Variants in TTN observed in about 807,000 individuals in gnomAD.
TTN encodes the protein connectin.
TTN carries 1,525 observed loss-of-function variants against 3,223.0 expected under a neutral mutation model. The ratio of observed to expected loss-of-function variants is 0.47; its 90% CI spans 0.45 to 0.49. TTN has a LOEUF of 0.49. Among genes scored for constraint, TTN ranks in the 20% least tolerant of loss-of-function variants. The pLI, the probability that TTN is intolerant of heterozygous loss-of-function variation, is 0.00. For synonymous variants in TTN, 14,094 were observed against 15,161.0 expected (o/e 0.93, Z 5.17); for missense variants, 40,786 against 43,424.0 (o/e 0.94, Z 5.40).
intron 43 of TTN, among the ~76,000 whole-genome samples, chr2:178,760,410 AT>A (rs1376141468): frequency 1.3e-5 from 2 of 152,094 alleles, no homozygotes; most frequent in African/African-American, 4.8e-5. Context: ...CACACCTATA[AT>A]CCCAGCTATT....
chr2:178,583,687 A>G lies in TTN; in HGVS notation c.65495T>C (p.Phe21832Ser). The G allele has an allele frequency of 6.2e-7, 1 of 1,612,352 alleles. No homozygotes were observed. The highest frequency in any genetic ancestry group is 8.5e-7 in the Non-Finnish European group (1 of 1,179,182). ...TACCGCGGTCCTGGCAATAGCTCTA[A>G]ATTGATACTGAGCTTTCTCTTCTAG... ...TGLEEKAQYQ[F>S]RAIARTAVNI... Residue 21832 changes from phenylalanine (F) to serine (S), a missense_variant, in exon 312 of 363, where the codon TTT (phenylalanine) becomes TCT (serine). By Grantham distance (155) the Phe-to-Ser change is radical (BLOSUM62 -2). Coordinates refer to ENST00000589042, the MANE Select transcript of TTN (RefSeq NM_001267550.2).
At position 178,566,113 on chromosome 2, in the gene TTN, A is replaced by C. The variant is rs1347649738; in HGVS notation, c.80019T>G (p.Ser26673=). 1.2e-6 allele frequency: 2 copies of C among 1,613,538 alleles called. No individual in the cohort carries two copies. Among genetic ancestry groups the C allele is most frequent in the African/African-American group, 1.3e-5 (1 of 74,898 alleles). ...CAAGAACTTTCACAGTTACAAAAGC[A>C]GACTTTGATCCACTGCTGTTTTCCA... ...LKLENSSGSK[S]AFVTVKVLDT... is the part of the protein sequence containing the mutation. Residue 26673 remains serine (S), a synonymous_variant, in exon 326 of 363, where the codon TCT becomes TCG. Coordinates refer to ENST00000589042, the MANE Select transcript of TTN (RefSeq NM_001267550.2).
chr2:178,702,657 G>T lies in TTN; in HGVS notation c.30230C>A (p.Pro10077Gln). The T allele has an allele frequency of 6.2e-7, 1 of 1,612,054 alleles. No homozygotes were observed. Among genetic ancestry groups the T allele is most frequent in the South Asian group, 1.1e-5 (1 of 90,932 alleles). ...TSAELRIEAE[P>Q]IQFTKRIQNI... ...CTGTATGCGCTTTGTAAACTGAATT[G>T]GTTCAGCTGTTTAAGTACAAAGAGG... is the stretch of plus-strand genomic sequence containing the variant. The change falls in exon 107 of 363, where the codon CCA becomes CAA. Residue 10077 changes from proline to glutamine, a missense_variant. By Grantham distance (76) the Pro-to-Gln change is moderately conservative. Transcript: ENST00000589042.
rs1038822352 is a variant in TTN at position 178,732,550 on chromosome 2, T to A, written c.16511A>T (p.Glu5504Val). 8 of 1,613,548 alleles carry A rather than the reference T, an allele frequency of 5.0e-6. No homozygotes were observed. In the African/African-American group the frequency reaches 9.3e-5, roughly 19 times the overall value. ...GSCYITKEAL[E>V]SSLELYLVKT... ...TACTAAATAGAGTTCCAGGGAACTC[T>A]CTAAAGCTTCTTTGGTAATATAGCA... Residue 5504 changes from glutamate to valine, a missense_variant, in exon 56 of 363, where the codon GAG (glutamate) becomes GTG (valine). Glu to Val is a moderately radical substitution (Grantham distance 121). Coordinates refer to ENST00000589042, the MANE Select transcript of TTN (RefSeq NM_001267550.2).
chr2:178,805,912 A>G lies in TTN; in HGVS notation c.-13-1257T>C, dbSNP rs540472155. Among the ~76,000 whole-genome samples, 337 of 152,352 alleles carry G rather than the reference A, an allele frequency of 2.2e-3. 2 individuals are homozygous for G. Among genetic ancestry groups the G allele is most frequent in the African/African-American group, 7.7e-3 (319 of 41,592 alleles). On this transcript the variant is annotated intron_variant, in intron 1 of 362. Coordinates refer to ENST00000589042, the MANE Select transcript of TTN (RefSeq NM_001267550.2). ...TTAAGTGCAAGAAAGTACTTTGCCT[A>G]TCAGTTTCAGAGACATTATGTGAAG...
rs746080953 is a variant in TTN at position 178,570,058 on chromosome 2, C to T, written c.76074G>A (p.Leu25358=). ...GIRWTRCHKR[L]IGELRLRVTG... is the part of the protein sequence containing the mutation. Reference sequence around the variant, plus strand: ...TTACTCTCAGGCGCAACTCTCCAATCAGACGCTTATGGCATCTTGTCCATC... The same window carrying T: ...TTACTCTCAGGCGCAACTCTCCAATTAGACGCTTATGGCATCTTGTCCATC... Residue 25358 remains leucine (L), a synonymous_variant, in exon 326 of 363, where the codon CTG becomes CTA. Coordinates refer to ENST00000589042, the MANE Select transcript of TTN (RefSeq NM_001267550.2). The T allele has an allele frequency of 3.1e-6, 5 of 1,613,394 alleles. No individual in the cohort carries two copies. The highest frequency in any genetic ancestry group is 4.2e-6 in the Non-Finnish European group (5 of 1,179,576).
Position 178,771,224 on chromosome 2 carries a change from T to A in TTN, c.8103A>T (p.Lys2701Asn), listed in dbSNP as rs750526009. The change falls in exon 34 of 363, where the codon AAA becomes AAT. Residue 2701 changes from lysine (K) to asparagine (N), a missense_variant. Lys to Asn is a moderately conservative substitution (Grantham distance 94). Transcript: ENST00000589042. ...YKVATSKTSA[K>N]LKVEAVKIKK... Reference sequence around the variant, plus strand: ...TATGTTACTTGCCTTCAACTTTGAGTTTGGCAGATGTTTTGGAGGTGGCCA... The same window carrying A: ...TATGTTACTTGCCTTCAACTTTGAGATTGGCAGATGTTTTGGAGGTGGCCA... The A allele has an allele frequency of 6.2e-7, 1 of 1,614,008 alleles. No individual in the cohort carries two copies. The highest frequency in any genetic ancestry group is 1.7e-5 in the Admixed American group (1 of 60,000).
intron 15 of TTN, among the ~76,000 whole-genome samples, chr2:178,784,767 A>C (rs1307184096): frequency 6.6e-6 from 1 of 152,212 alleles, no homozygotes; most frequent in Admixed American, 6.5e-5. Flanking sequence ...GCAATAGTAC[A>C]TTTGGGTTTT....
chr2:178,675,199 G>C (rs2067789470), intron 149 of TTN, 86 bp from the exon 150 acceptor site: 1 of 809,990 alleles, frequency 1.2e-6, no homozygotes, highest in Non-Finnish European at 1.9e-6. Flanking sequence ...CAACATAAGA[G>C]AGTAAATATC....
chr2:178,679,486 TG>T lies in TTN; in HGVS notation c.33665-71del, dbSNP rs1169160409. ...ACACATCCATATAAAACACAGCTAA[TG>T]TTTTTTAACAACGGACAGTGACACA... is the stretch of plus-strand genomic sequence containing the variant. On this transcript the variant is annotated intron_variant, in intron 141 of 362. Coordinates refer to ENST00000589042, the MANE Select transcript of TTN (RefSeq NM_001267550.2). 45 of 1,591,930 alleles carry T rather than the reference TG, an allele frequency of 2.8e-5. 2 individuals carry two copies. The South Asian group carries it at 4.3e-4, about 15-fold the overall frequency.
Position 178,734,575 on chromosome 2 carries a change from A to G in TTN, c.15249T>C (p.Pro5083=). ...CATTTGTTCCTCTCACTATGTCTGC[A>G]GGCTCAAGAGTTTTGATGAAAGAAG... ...EPPSFIKTLE[P]ADIVRGTNAL... is the part of the protein sequence containing the mutation. Residue 5083 remains proline (P), a synonymous_variant, in exon 52 of 363, where the codon CCT becomes CCC. Coordinates refer to ENST00000589042, the MANE Select transcript of TTN (RefSeq NM_001267550.2). 1.3e-6 allele frequency: 2 copies of G among 1,582,010 alleles called. No homozygotes were observed. Among genetic ancestry groups the G allele is most frequent in the Non-Finnish European group, 1.7e-6 (2 of 1,163,636 alleles).
chr2:178,773,793 T>C (rs1438984306), intron 31 of TTN, 45 bp downstream of exon 31: 1 of 1,614,054 alleles, frequency 6.2e-7, no homozygotes, highest in South Asian at 1.1e-5. Context: ...AAGTTCTTTA[T>C]GTTGCTTAAT....
At chr2:178,684,222 C>T in intron 132 of TTN, 108 bp downstream of exon 132, 1 of 1,354,768 alleles carries the variant, frequency 7.4e-7, no homozygotes. Context: ...ACAACAACAA[C>T]AACATCAACA....
chr2:178,622,547 T>A lies in TTN; in HGVS notation c.44913+123A>T, dbSNP rs190570739. On this transcript the variant is annotated intron_variant, in intron 243 of 362. Coordinates refer to ENST00000589042, the MANE Select transcript of TTN (RefSeq NM_001267550.2). Reference sequence around the variant, plus strand: ...AAGAATACATTTTATACTACAATTATCTTTAAAAGTAAAGTGGTGACCAGA... The same window carrying A: ...AAGAATACATTTTATACTACAATTAACTTTAAAAGTAAAGTGGTGACCAGA... 5 of 702,118 alleles carry A rather than the reference T, an allele frequency of 7.1e-6. 1 individual carries two copies. The highest frequency in any genetic ancestry group is 1.2e-5 in the Non-Finnish European group (5 of 415,122). The allele number at this position is 702,118 out of a possible 1,614,324, so 43.5% of individuals were successfully genotyped here.
chr2:178,637,415 G>A lies in TTN; in HGVS notation c.40881C>T (p.Ala13627=). ...TGGCAGCCTCTTCCTTAGGTGCTTTGGCTTCTGAAATAAAAATAAAACTCA... is the reference window on the plus strand; with the variant it reads ...TGGCAGCCTCTTCCTTAGGTGCTTTAGCTTCTGAAATAAAAATAAAACTCA... ...TVPVVGKKAE[A]KAPKEEAAKP... Residue 13627 remains alanine (A), a synonymous_variant, in exon 224 of 363, where the codon GCC becomes GCT. Coordinates refer to ENST00000589042, the MANE Select transcript of TTN (RefSeq NM_001267550.2). 6.8e-7 allele frequency: 1 copy of A among 1,476,452 alleles called. No individual in the cohort carries two copies. The highest frequency in any genetic ancestry group is 1.5e-5 in the South Asian group (1 of 65,654). The allele number at this position is 1,476,452 out of a possible 1,614,324, so 91.5% of individuals were successfully genotyped here. A position where few individuals can be genotyped will look rare whatever the true frequency, so the allele number is the denominator to read the frequency against.
intron 141 of TTN, 57 bp downstream of exon 141, chr2:178,679,542 T>G: frequency 6.3e-7 from 1 of 1,587,138 alleles, no homozygotes; most frequent in Non-Finnish European, 8.6e-7. Context: ...AGAAGAAAGT[T>G]AACTATTTCT....
At position 178,591,719 on chromosome 2, in the gene TTN, C is replaced by CTAAG; in HGVS notation, c.60096_60099dup (p.Glu20034LeufsTer15). ...TGTTGTAGTCCAGTAACCACACACT[C>CTAAG]TAAGTTTGTCACAGTCTTAAATTTA... On this transcript the variant is annotated frameshift_variant, in exon 303 of 363. Transcript: ENST00000589042. LOFTEE classifies it high-confidence loss of function. 1 of 1,613,356 alleles carries CTAAG rather than the reference C, an allele frequency of 6.2e-7. No individual in the cohort carries two copies. Among genetic ancestry groups the CTAAG allele is most frequent in the Non-Finnish European group, 8.5e-7 (1 of 1,179,530 alleles).
intron 8 of TTN, 112 bp downstream of exon 8, chr2:178,794,287 T>G: frequency 6.6e-7 from 1 of 1,515,292 alleles, no homozygotes; most frequent in Admixed American, 1.7e-5. Context: ...CTCAAGGCTG[T>G]CTTCAGAATG....
chr2:178,531,842 C>T lies in TTN; in HGVS notation c.104773G>A (p.Glu34925Lys). The change falls in exon 358 of 363, where the codon GAA (glutamate) becomes AAA (lysine). Residue 34925 changes from glutamate (E) to lysine (K), a missense_variant. Glu to Lys is a moderately conservative substitution (Grantham distance 56, BLOSUM62 1). Coordinates refer to ENST00000589042, the MANE Select transcript of TTN (RefSeq NM_001267550.2). ...KAALKTQKTS[E>K]RKYEVLSQQP... is the part of the protein sequence containing the mutation. ...TGACTCAAAACTTCATACTTCCTTT[C>T]TGATGTCTTCTGAGTTTTTAAAGCA... 6.2e-7 allele frequency: 1 copy of T among 1,613,890 alleles called. No homozygotes were observed. Among genetic ancestry groups the T allele is most frequent in the Non-Finnish European group, 8.5e-7 (1 of 1,179,820 alleles).
Sources: gnomAD v4.1 joint callset for allele counts (sites outside exome capture counted in the v4.1 genomes callset) on GRCh38, gnomAD v4.1.1 for gene constraint, MANE v1.5 for transcripts, NCBI Gene and HGNC (gene_info 2026-07-23, HGNC 2026-07-21) for gene names.